Variants in USH2A observed in about 807,000 individuals in gnomAD.
USH2A encodes the protein usherin.
Under a neutral mutation model 538.9 loss-of-function variants are expected in USH2A, and 443 were observed. The observed-to-expected ratio is 0.82, with a 90% CI of 0.76 to 0.89. The LOEUF (loss-of-function observed/expected upper bound fraction) is 0.89, where lower values mean the gene tolerates loss of function less well. Ranked by LOEUF, USH2A falls within the 40% of genes least tolerant of loss-of-function variation. The probability of loss-of-function intolerance (pLI) is 0.00; values close to 1 mark genes in which losing one functional copy is unlikely to be tolerated. For missense variants in USH2A, 6,633 were observed against 6,324.8 expected, an observed-to-expected ratio of 1.05 and a Z score of -1.65; for synonymous variants, 2,413 against 2,273.5, an observed-to-expected ratio of 1.06 and a Z score of -1.75.
At chr1:215,992,597 G>C (rs951968058) in intron 35 of USH2A, among the ~76,000 whole-genome samples, 2 of 152,238 alleles carry the variant, frequency 1.3e-5, no homozygotes, top group South Asian at 4.2e-4. Context: ...CCTCTTTTAA[G>C]ATAAACTTAT....
intron 21 of USH2A, among the ~76,000 whole-genome samples, chr1:216,107,321 T>C (rs1185366452): frequency 6.6e-6 from 1 of 151,854 alleles, no homozygotes; most frequent in Non-Finnish European, 1.5e-5. Context: ...TATTACTACA[T>C]ATAAGCACAT....
intron 61 of USH2A, among the ~76,000 whole-genome samples, chr1:215,682,085 G>A (rs1431221819): frequency 1.3e-5 from 2 of 152,120 alleles, no homozygotes; most frequent in Admixed American, 6.5e-5. Context: ...GATGCTACAA[G>A]TCCCGATTAC....
chr1:216,136,153 A>T (rs1466636055), intron 21 of USH2A, among the ~76,000 whole-genome samples: 2 of 152,174 alleles, frequency 1.3e-5, no homozygotes, highest in East Asian at 3.9e-4. Context: ...TACCCAAACC[A>T]GCAGGAGTTG....
chr1:215,743,014 C>T (rs994597322), intron 59 of USH2A, among the ~76,000 whole-genome samples, 163 bp downstream of exon 59: 7 of 152,012 alleles, frequency 4.6e-5, no homozygotes, highest in Admixed American at 4.6e-4. Flanking sequence ...TAATGCTTTA[C>T]TCGATGCCAG....
intron 21 of USH2A, among the ~76,000 whole-genome samples, chr1:216,132,813 T>A (rs1213640573): frequency 6.6e-6 from 1 of 152,076 alleles, no homozygotes; most frequent in Non-Finnish European, 1.5e-5. Context: ...ACACTTCAGA[T>A]CATCTTTCCC....
At chr1:215,707,738 A>C (rs1478500631) in intron 61 of USH2A, among the ~76,000 whole-genome samples, 1 of 152,230 alleles carries the variant, frequency 6.6e-6, no homozygotes, top group Non-Finnish European at 1.5e-5. Context: ...ATAAAAGTAG[A>C]AAGTATGAAC....
At chr1:215,868,786 C>G (rs1022046355) in intron 43 of USH2A, among the ~76,000 whole-genome samples, 2 of 152,122 alleles carry the variant, frequency 1.3e-5, no homozygotes, top group South Asian at 4.1e-4. Flanking sequence ...AAAACAGAAA[C>G]AGAAATTGGA....
At chr1:216,006,709 A>G (rs1668400499) in intron 32 of USH2A, among the ~76,000 whole-genome samples, 1 of 152,038 alleles carries the variant, frequency 6.6e-6, no homozygotes, top group Non-Finnish European at 1.5e-5. Context: ...AGTTTGGACA[A>G]TTCTCTTGAG....
At chr1:215,851,580 A>G (rs1429824084) in intron 44 of USH2A, among the ~76,000 whole-genome samples, 1 of 152,180 alleles carries the variant, frequency 6.6e-6, no homozygotes, top group African/African-American at 2.4e-5. Context: ...CCAGGACCAG[A>G]CAGATTCACA....
chr1:216,404,427 T>C (rs927711662), intron 3 of USH2A, among the ~76,000 whole-genome samples: 2 of 152,060 alleles, frequency 1.3e-5, no homozygotes, highest in African/African-American at 2.4e-5. Flanking sequence ...ACATGTGGAA[T>C]TGGTGGAAGG....
At chr1:216,197,473 A>T (rs1420599370) in intron 18 of USH2A, among the ~76,000 whole-genome samples, 3 of 152,124 alleles carry the variant, frequency 2.0e-5, no homozygotes, top group African/African-American at 7.2e-5. Flanking sequence ...CACTTGTGCT[A>T]TCATGGCTCT....
At chr1:216,013,764 C>T (rs984964263) in intron 32 of USH2A, among the ~76,000 whole-genome samples, 5 of 152,096 alleles carry the variant, frequency 3.3e-5, no homozygotes, top group South Asian at 2.1e-4. Flanking sequence ...TATCTCCCTT[C>T]GCTGACTCTC....
chr1:216,191,734 C>A (rs1211689042), intron 19 of USH2A, among the ~76,000 whole-genome samples: 1 of 151,716 alleles, frequency 6.6e-6, no homozygotes, highest in Non-Finnish European at 1.5e-5. Context: ...TTAGAATAAT[C>A]CTGGTAGATT....
intron 19 of USH2A, among the ~76,000 whole-genome samples, chr1:216,192,166 T>C (rs561790169): frequency 6.6e-6 from 1 of 152,200 alleles, no homozygotes; most frequent in South Asian, 2.1e-4. Flanking sequence ...TCACCACTTT[T>C]ACGTATCCCC....
intron 16 of USH2A, 82 bp downstream of exon 16, chr1:216,207,191 C>T: frequency 6.5e-7 from 1 of 1,545,604 alleles, no homozygotes; most frequent in Admixed American, 1.7e-5. Flanking sequence ...ACCACAACAG[C>T]ATTTATCCTC....
chr1:215,785,945 A>T, intron 52 of USH2A, among the ~76,000 whole-genome samples: 1 of 150,308 alleles, frequency 6.7e-6, no homozygotes, highest in African/African-American at 2.4e-5. Flanking sequence ...ACACACACAC[A>T]CACACACACA....
chr1:215,655,646 G>A (rs1357691004), intron 64 of USH2A, among the ~76,000 whole-genome samples: 3 of 151,904 alleles, frequency 2.0e-5, no homozygotes, highest in African/African-American at 7.3e-5. Context: ...AGTCTGCACA[G>A]GATGGGAGAA....
chr1:216,194,650 G>A (rs1558309290), intron 19 of USH2A, among the ~76,000 whole-genome samples: 1 of 152,192 alleles, frequency 6.6e-6, no homozygotes, highest in Non-Finnish European at 1.5e-5. Flanking sequence ...AGTTCAAGTG[G>A]CCTGAGACAT....
intron 35 of USH2A, 127 bp downstream of exon 35, chr1:215,992,893 T>C: frequency 6.9e-7 from 1 of 1,454,524 alleles, no homozygotes; most frequent in Admixed American, 1.8e-5. Flanking sequence ...ACAATGATAC[T>C]ATCTTAGGTA....
Sources: allele counts gnomAD v4.1 joint callset (sites outside exome capture counted in the v4.1 genomes callset), GRCh38; gene constraint gnomAD v4.1.1; transcripts MANE v1.5; gene names NCBI Gene and HGNC (gene_info 2026-07-23, HGNC 2026-07-21).